GPATCH2: variants seen among roughly 807,000 people sequenced by gnomAD.
The protein encoded by GPATCH2 is G patch domain-containing protein 2.
GPATCH2 carries 51 observed loss-of-function variants against 58.0 expected under a neutral mutation model. The ratio of observed to expected loss-of-function variants is 0.88; its 90% confidence interval spans 0.70 to 1.11. GPATCH2 has a LOEUF of 1.11. Among genes scored for constraint, GPATCH2 ranks in the 50% most tolerant of loss-of-function variants. The probability of loss-of-function intolerance (pLI) is 0.00; values close to 1 mark genes in which losing one functional copy is unlikely to be tolerated. For missense variants in GPATCH2, 625 were observed against 652.2 expected (o/e 0.96, Z 0.45); for synonymous variants, 222 against 218.5 (o/e 1.02, Z -0.14).
intron 5 of GPATCH2, among the ~76,000 whole-genome samples, chr1:217,584,045 A>C (rs1667202548): frequency 6.6e-6 from 1 of 152,066 alleles, no homozygotes; most frequent in African/African-American, 2.4e-5. Flanking sequence ...TCCTGCAAAG[A>C]AAGACTGAAA....
chr1:217,617,481 GCCAC>G (rs548365502), intron 2 of GPATCH2, among the ~76,000 whole-genome samples: 70 of 152,204 alleles, frequency 4.6e-4, no homozygotes, highest in Non-Finnish European at 9.0e-4. Flanking sequence ...TAGTCCAGGT[GCCAC>G]CAGTGAAGAG....
rs182445993 is a variant in GPATCH2, at chr1:217,488,963, G to C, written c.1277+2717C>G. On this transcript the variant is annotated intron_variant, in intron 8 of 9. Transcript: ENST00000366935. ...AAAGTGCTGTGGCTTAACAGGTGTG[G>C]GCCTCTTCGAGCAGCCAACCATAAA... Among the ~76,000 whole-genome samples the C allele has an allele frequency of 2.0e-4, 30 of 151,926 alleles. No individual in the cohort carries two copies. The East Asian group carries it at 4.3e-3, about 22-fold the overall frequency.
rs568870117 is a variant in GPATCH2, at chr1:217,558,817, A to C, written c.1099-43928T>G. Among the ~76,000 whole-genome samples, 48 of 152,226 alleles carry C rather than the reference A, an allele frequency of 3.2e-4. No individual in the cohort carries two copies. In the South Asian group the frequency reaches 9.5e-3, roughly 30 times the overall value. On this transcript the variant is annotated intron_variant, in intron 5 of 9. Transcript: ENST00000366935. ...TAAAAAATAAAATAATAATAATAAA[A>C]CATAACAAAAGACCACAATGAATCA...
intron 8 of GPATCH2, among the ~76,000 whole-genome samples, chr1:217,485,228 C>T (rs546788118): frequency 2.0e-5 from 3 of 152,256 alleles, no homozygotes; most frequent in African/African-American, 7.2e-5. Context: ...TTTGCCATTC[C>T]TCTGCCTTTA....
intron 5 of GPATCH2, chr1:217,609,792 A>G: frequency 1.0e-6 from 1 of 975,362 alleles, no homozygotes; most frequent in Non-Finnish European, 1.2e-6. Flanking sequence ...CACAATATAA[A>G]CATTAAGGAA....
At chr1:217,547,912 G>T (rs1466973723) in intron 5 of GPATCH2, among the ~76,000 whole-genome samples, 1 of 152,118 alleles carries the variant, frequency 6.6e-6, no homozygotes, top group East Asian at 1.9e-4. Flanking sequence ...AAGAGATCTG[G>T]TTGTCTGAAA....
intron 9 of GPATCH2, among the ~76,000 whole-genome samples, chr1:217,439,858 T>C (rs1460360511): frequency 6.6e-6 from 1 of 152,192 alleles, no homozygotes; most frequent in Non-Finnish European, 1.5e-5. Flanking sequence ...AGTTCTGACA[T>C]TGAGGCAGCA....
At position 217,600,005 on chromosome 1, in the gene GPATCH2, T is replaced by G. The variant is rs141261906; in HGVS notation, c.1098+10316A>C. ...AAACCAAGTAGATACCATTAAATGT[T>G]ACTACATAGTTACATGTCACTTAAA... On this transcript the variant is annotated intron_variant, in intron 5 of 9. Coordinates refer to ENST00000366935, the MANE Select transcript of GPATCH2 (RefSeq NM_018040.5). Among the ~76,000 whole-genome samples the G allele has an allele frequency of 7.1e-3, 1,081 of 152,280 alleles. 11 individuals carry two copies. Among genetic ancestry groups the G allele is most frequent in the African/African-American group, 0.025 (1,028 of 41,570 alleles).
chr1:217,574,568 T>C (rs1231528996), intron 5 of GPATCH2, among the ~76,000 whole-genome samples: 2 of 152,100 alleles, frequency 1.3e-5, no homozygotes, highest in African/African-American at 2.4e-5. Flanking sequence ...GGAATAATCA[T>C]AAACCTAAAA....
chr1:217,565,054 G>A (rs1240666026), intron 5 of GPATCH2, among the ~76,000 whole-genome samples: 1 of 152,270 alleles, frequency 6.6e-6, no homozygotes, highest in African/African-American at 2.4e-5. Flanking sequence ...GTGTTGTCAT[G>A]AATAGGCTGA....
intron 8 of GPATCH2, among the ~76,000 whole-genome samples, chr1:217,488,251 T>C (rs986909808): frequency 6.6e-6 from 1 of 152,326 alleles, no homozygotes; most frequent in South Asian, 2.1e-4. Flanking sequence ...TTTTATATAA[T>C]ATTACTAATT....
chr1:217,496,371 C>A (rs527342050), intron 7 of GPATCH2, among the ~76,000 whole-genome samples: 2 of 152,164 alleles, frequency 1.3e-5, no homozygotes, highest in Non-Finnish European at 2.9e-5. Context: ...CCAGGTGACA[C>A]GGCCTTGTTT....
intron 5 of GPATCH2, among the ~76,000 whole-genome samples, chr1:217,561,391 C>G (rs1665917169): frequency 6.6e-6 from 1 of 152,102 alleles, no homozygotes; most frequent in East Asian, 1.9e-4. Flanking sequence ...GAGATAAAAT[C>G]ACACTTGGAG....
chr1:217,603,294 G>C (rs1281801012), intron 5 of GPATCH2, among the ~76,000 whole-genome samples: 1 of 151,974 alleles, frequency 6.6e-6, no homozygotes, highest in African/African-American at 2.4e-5. Flanking sequence ...GTCAATTTTG[G>C]TAACATTAAA....
chr1:217,572,132 T>G (rs1375567804), intron 5 of GPATCH2, among the ~76,000 whole-genome samples: 3 of 152,172 alleles, frequency 2.0e-5, no homozygotes, highest in Non-Finnish European at 4.4e-5. Flanking sequence ...GCAACTCTAT[T>G]CCTTTCATTT....
intron 5 of GPATCH2, chr1:217,608,469 A>G: frequency 1.0e-6 from 1 of 985,252 alleles, no homozygotes; most frequent in South Asian, 4.7e-5. Flanking sequence ...TAAGCCATGT[A>G]TCATCAATAC....
intron 8 of GPATCH2, among the ~76,000 whole-genome samples, chr1:217,459,924 G>C (rs917252115): frequency 6.6e-6 from 1 of 152,116 alleles, no homozygotes; most frequent in Non-Finnish European, 1.5e-5. Context: ...GAGGTAGCAT[G>C]TTAGGACAGA....
chr1:217,612,072 C>G (rs767732294), intron 3 of GPATCH2, among the ~76,000 whole-genome samples: 4 of 151,638 alleles, frequency 2.6e-5, no homozygotes, highest in African/African-American at 7.3e-5. Context: ...CCTAGCTACT[C>G]GGGAGTCTGA....
intron 5 of GPATCH2, among the ~76,000 whole-genome samples, chr1:217,542,971 T>C (rs1664827879): frequency 6.6e-6 from 1 of 152,168 alleles, no homozygotes. Flanking sequence ...TCCCTGAGCT[T>C]AAGATGCTGG....
Sources: allele counts gnomAD v4.1 joint callset (sites outside exome capture counted in the v4.1 genomes callset), GRCh38; gene constraint gnomAD v4.1.1; transcripts MANE v1.5; gene names NCBI Gene and HGNC (gene_info 2026-07-23, HGNC 2026-07-21).